ABL2: variants seen among roughly 807,000 people sequenced by gnomAD.
ABL2 encodes the protein ABL proto-oncogene 2, non-receptor tyrosine kinase.
ABL2 carries 49 observed loss-of-function variants against 107.7 expected under a neutral mutation model. That is an observed-to-expected ratio of 0.45 (90% CI 0.36 to 0.58). ABL2 has a LOEUF of 0.58. ABL2 is among the 20% of genes least tolerant of loss of function. The probability of loss-of-function intolerance (pLI) is 0.00; values close to 1 mark genes in which losing one functional copy is unlikely to be tolerated. For missense variants in ABL2, 1,245 were observed against 1,457.0 expected, an observed-to-expected ratio of 0.85 and a Z score of 2.37; for synonymous variants, 549 against 548.6, an observed-to-expected ratio of 1.00 and a Z score of -0.01.
chr1:179,167,439 A>G (rs982284726), intron 1 of ABL2, among the ~76,000 whole-genome samples: 1 of 152,222 alleles, frequency 6.6e-6, no homozygotes, highest in Admixed American at 6.5e-5. Context: ...TATAAACTTA[A>G]CTGTAAGAAG....
At chr1:179,178,101 A>G (rs1660148765) in intron 1 of ABL2, among the ~76,000 whole-genome samples, 2 of 152,202 alleles carry the variant, frequency 1.3e-5, no homozygotes, top group African/African-American at 4.8e-5. Flanking sequence ...TAACAACTAT[A>G]TTAAAGCTTG....
At chr1:179,150,157 G>A (rs1658277984) in intron 1 of ABL2, among the ~76,000 whole-genome samples, 1 of 152,052 alleles carries the variant, frequency 6.6e-6, no homozygotes, top group South Asian at 2.1e-4. Flanking sequence ...GATCACTTGA[G>A]CCCAGGAGGT....
intron 1 of ABL2, among the ~76,000 whole-genome samples, chr1:179,191,811 C>CA (rs1298768394): frequency 6.6e-6 from 1 of 151,896 alleles, no homozygotes; most frequent in Non-Finnish European, 1.5e-5. Context: ...AAAGAGTTTT[C>CA]AAAACAATTA....
chr1:179,221,332 T>G (rs542129061), intron 1 of ABL2, among the ~76,000 whole-genome samples: 1 of 152,326 alleles, frequency 6.6e-6, no homozygotes, highest in South Asian at 2.1e-4. Flanking sequence ...GGCTCACATT[T>G]GTAGTCCCAG....
intron 1 of ABL2, among the ~76,000 whole-genome samples, chr1:179,169,530 A>C (rs1659594599): frequency 6.6e-6 from 1 of 152,008 alleles, no homozygotes; most frequent in Non-Finnish European, 1.5e-5. Flanking sequence ...CCTGGGCGAC[A>C]GAGCAAGACC....
chr1:179,145,048 A>G (rs1657891018), intron 1 of ABL2, among the ~76,000 whole-genome samples: 1 of 152,224 alleles, frequency 6.6e-6, no homozygotes, highest in Admixed American at 6.5e-5. Flanking sequence ...TGGTCTATAC[A>G]TATAATGAAG....
At chr1:179,175,824 G>A (rs1660004540) in intron 1 of ABL2, among the ~76,000 whole-genome samples, 1 of 150,994 alleles carries the variant, frequency 6.6e-6, no homozygotes, top group East Asian at 1.9e-4. Flanking sequence ...ATGCTAGACT[G>A]CTAGACAAGT....
At chr1:179,148,771 A>G (rs1658179344) in intron 1 of ABL2, among the ~76,000 whole-genome samples, 1 of 152,000 alleles carries the variant, frequency 6.6e-6, no homozygotes, top group South Asian at 2.1e-4. Flanking sequence ...GTGGTGGTGC[A>G]TACCTGTAAT....
intron 1 of ABL2, among the ~76,000 whole-genome samples, chr1:179,192,871 AT>A (rs1202466888): frequency 6.6e-6 from 1 of 152,146 alleles, no homozygotes; most frequent in Non-Finnish European, 1.5e-5. Flanking sequence ...CTTTTCACGT[AT>A]TTTTCTTTAA....
In ABL2 at chr1:179,103,732, G is replaced by A. The variant is rs765180442; in HGVS notation, c.*3986C>T. 19 of 228,218 alleles carry A rather than the reference G, an allele frequency of 8.3e-5. No individual in the cohort carries two copies. Among genetic ancestry groups the A allele is most frequent in the East Asian group, 1.9e-4 (3 of 15,994 alleles). The allele number at this position is 228,218 out of a possible 1,614,324, so 14.1% of individuals were successfully genotyped here. On this transcript the variant is annotated 3_prime_UTR_variant, in exon 12 of 12. Coordinates refer to ENST00000502732, the MANE Select transcript of ABL2 (RefSeq NM_007314.4). Reference sequence around the variant, plus strand: ...TGCAGCACCACACAGGCTGATTGTCGGTCTGAGCCACTTTTTTGCAGTGTC... The same window carrying A: ...TGCAGCACCACACAGGCTGATTGTCAGTCTGAGCCACTTTTTTGCAGTGTC...
chr1:179,173,790 T>C (rs1393860744), intron 1 of ABL2, among the ~76,000 whole-genome samples: 3 of 152,306 alleles, frequency 2.0e-5, no homozygotes, highest in South Asian at 4.1e-4. Context: ...TTATTAAGTA[T>C]TATATCAATT....
At chr1:179,175,864 T>TTTTA (rs1660010511) in intron 1 of ABL2, among the ~76,000 whole-genome samples, 1 of 150,272 alleles carries the variant, frequency 6.7e-6, no homozygotes. Context: ...TTTTTTTTTT[T>TTTTA]GAGGAGGGGT....
At position 179,229,420 on chromosome 1, in the gene ABL2, G is replaced by T; in HGVS notation, c.-23C>A. ...CATCCCTGCTCTCGCGTACTCCCGCGCCCCCGCCGACCCCTGGTCACATTC... is the reference window on the plus strand; with the variant it reads ...CATCCCTGCTCTCGCGTACTCCCGCTCCCCCGCCGACCCCTGGTCACATTC... On this transcript the variant is annotated 5_prime_UTR_variant, in exon 1 of 12. Transcript: ENST00000502732. 6.7e-7 allele frequency: 1 copy of T among 1,481,718 alleles called. No homozygotes were observed. Among genetic ancestry groups the T allele is most frequent in the East Asian group, 2.6e-5 (1 of 37,940 alleles). The allele number at this position is 1,481,718 out of a possible 1,614,324, so 91.8% of individuals were successfully genotyped here.
chr1:179,195,653 G>T (rs1661268092), intron 1 of ABL2, among the ~76,000 whole-genome samples: 1 of 151,946 alleles, frequency 6.6e-6, no homozygotes, highest in Non-Finnish European at 1.5e-5. Flanking sequence ...GAGATGAGTG[G>T]ATAAAGAAAA....
In ABL2 at chr1:179,100,294, C is replaced by T. The variant is rs3210839; in HGVS notation, c.*7424G>A. 155,173 of 227,868 alleles carry T rather than the reference C, an allele frequency of 0.68. 53,986 individuals carry two copies. The highest frequency in any genetic ancestry group is 0.85 in the African/African-American group (38,231 of 45,160). 14.1% of individuals were successfully genotyped at this position (227,868 alleles called of 1,614,324 possible). ...CTCATCTACCAGAAGCATCTCTGTC[C>T]CCTGGCGTTCTTGCCACTCACAATA... is the stretch of plus-strand genomic sequence containing the variant. On this transcript the variant is annotated 3_prime_UTR_variant, in exon 12 of 12. Transcript: ENST00000502732.
chr1:179,143,134 G>A (rs986582875), intron 1 of ABL2: 2 of 1,516,676 alleles, frequency 1.3e-6, no homozygotes, highest in African/African-American at 2.8e-5. Context: ...CCACATGCAT[G>A]TGACATTTAC....
intron 1 of ABL2, among the ~76,000 whole-genome samples, chr1:179,148,564 C>A (rs1402088882): frequency 6.6e-6 from 1 of 152,148 alleles, no homozygotes; most frequent in Non-Finnish European, 1.5e-5. Context: ...TTCCCTGTCT[C>A]ACTCCCTCTC....
chr1:179,158,194 G>C (rs937278418), intron 1 of ABL2, among the ~76,000 whole-genome samples: 1 of 152,156 alleles, frequency 6.6e-6, no homozygotes, highest in African/African-American at 2.4e-5. Flanking sequence ...GTAGAGAAAA[G>C]CAATGAAATA....
intron 1 of ABL2, among the ~76,000 whole-genome samples, chr1:179,210,308 C>T (rs989637543): frequency 6.6e-6 from 1 of 151,844 alleles, no homozygotes; most frequent in Non-Finnish European, 1.5e-5. Context: ...GAATTTGAGA[C>T]CATCCTGGCT....
Sources: gnomAD v4.1 joint callset for allele counts (sites outside exome capture counted in the v4.1 genomes callset) on GRCh38, gnomAD v4.1.1 for gene constraint, MANE v1.5 for transcripts, NCBI Gene and HGNC (gene_info 2026-07-23, HGNC 2026-07-21) for gene names.